The following HUNK variants were observed in gnomAD, a reference collection of about 807,000 sequenced individuals.
HUNK encodes hormonally up-regulated neu tumor-associated kinase.
A neutral mutation model predicts 61.0 loss-of-function variants in HUNK; 21 were observed. The ratio of observed to expected loss-of-function variants is 0.34; its 90% CI spans 0.24 to 0.50. The LOEUF (loss-of-function observed/expected upper bound fraction) is 0.50, where lower values mean the gene tolerates loss of function less well. Ranked by LOEUF, HUNK falls within the 20% of genes least tolerant of loss-of-function variation. The probability of loss-of-function intolerance (pLI) is 0.98; values close to 1 mark genes in which losing one functional copy is unlikely to be tolerated. For missense variants in HUNK, 772 were observed against 945.7 expected, an observed-to-expected ratio of 0.82 and a Z score of 2.41; for synonymous variants, 371 against 386.1, an observed-to-expected ratio of 0.96 and a Z score of 0.46.
At chr21:31,928,764 A>G (rs2052677977) in intron 2 of HUNK, among the ~76,000 whole-genome samples, 1 of 152,088 alleles carries the variant, frequency 6.6e-6, no homozygotes, top group South Asian at 2.1e-4. Context: ...CTATACCACT[A>G]ATTTTGGGTG....
chr21:31,965,027 T>C (rs1295832986), intron 5 of HUNK, among the ~76,000 whole-genome samples: 2 of 152,174 alleles, frequency 1.3e-5, no homozygotes. Context: ...CTCATCTTTT[T>C]TATCTGACCA....
chr21:31,983,674 T>G, intron 8 of HUNK, 65 bp downstream of exon 8: 1 of 1,199,042 alleles, frequency 8.3e-7, no homozygotes, highest in Non-Finnish European at 1.2e-6. Context: ...TTGCAGTAAT[T>G]GGAAAAGAAA....
intron 9 of HUNK, among the ~76,000 whole-genome samples, chr21:31,995,508 C>G (rs2053198374): frequency 6.6e-6 from 1 of 152,324 alleles, no homozygotes; most frequent in East Asian, 1.9e-4. Flanking sequence ...GAATGCCCTG[C>G]CCTTGCTGGA....
At chr21:31,918,791 G>A (rs2052602500) in intron 1 of HUNK, among the ~76,000 whole-genome samples, 1 of 152,198 alleles carries the variant, frequency 6.6e-6, no homozygotes, top group Admixed American at 6.5e-5. Context: ...ACTTCATCAT[G>A]TCTGCAGAGT....
chr21:31,953,652 C>G (rs549914675), intron 4 of HUNK, among the ~76,000 whole-genome samples: 1 of 152,194 alleles, frequency 6.6e-6, no homozygotes, highest in South Asian at 2.1e-4. Flanking sequence ...TAATTTATTC[C>G]AACTACAGAA....
At chr21:31,910,866 AT>A (rs1018934831) in intron 1 of HUNK, among the ~76,000 whole-genome samples, 7 of 152,174 alleles carry the variant, frequency 4.6e-5, no homozygotes, top group African/African-American at 1.7e-4. Flanking sequence ...ATTTTAAATC[AT>A]CCCCACCTTA....
Position 31,924,419 on chromosome 21 carries a change from C to T in HUNK, c.262-49C>T. The T allele has an allele frequency of 6.4e-7, 1 of 1,555,414 alleles. No homozygotes were observed. The highest frequency in any genetic ancestry group is 1.2e-5 in the South Asian group (1 of 82,340). The stretch of plus-strand genomic sequence containing the variant: ...GTTCCTGTGAGTAGCCAAGGCATCG[C>T]TATTGTCTGTAATGTCTGATAACAG... On this transcript the variant is annotated intron_variant, in intron 1 of 10. Coordinates refer to ENST00000270112, the MANE Select transcript of HUNK (RefSeq NM_014586.2). The surrounding 1 kb of genome is among the most constrained non-coding windows in gnomAD (Gnocchi z 5.1).
chr21:31,873,806 G>T lies in HUNK; in HGVS notation c.132G>T (p.Val44=), dbSNP rs1403061218. 3 of 1,567,676 alleles carry T rather than the reference G, an allele frequency of 1.9e-6. No homozygotes were observed. The highest frequency in any genetic ancestry group is 1.2e-5 in the South Asian group (1 of 86,650). Residue 44 remains valine (V), a synonymous_variant, in exon 1 of 11, where the codon GTG becomes GTT. Coordinates refer to ENST00000270112, the MANE Select transcript of HUNK (RefSeq NM_014586.2). This position sits in a 1 kb window ranked among gnomAD's most constrained non-coding sequence, Gnocchi z 6.1. ...GSFLPAWVSG[V]PRERLRDFQH... is the part of the protein sequence containing the mutation. ...TCCTGCCTGCCTGGGTGAGCGGCGT[G>T]CCCCGCGAGCGGCTCCGCGACTTCC...
At chr21:31,989,999 A>T (rs769633045) in intron 8 of HUNK, 130 bp from the exon 9 acceptor site, 1 of 798,670 alleles carries the variant, frequency 1.3e-6, no homozygotes, top group Non-Finnish European at 2.2e-6. Context: ...CAATTTCAGG[A>T]TTTGCTTTCT....
chr21:31,956,338 T>A (rs1056993710), intron 4 of HUNK, among the ~76,000 whole-genome samples: 15 of 152,310 alleles, frequency 9.8e-5, no homozygotes, highest in Admixed American at 9.2e-4. Context: ...GGCTGTTCAG[T>A]GGTCCCCAGC....
At chr21:31,897,880 C>G (rs1430137421) in intron 1 of HUNK, among the ~76,000 whole-genome samples, 1 of 152,110 alleles carries the variant, frequency 6.6e-6, no homozygotes, top group Admixed American at 6.5e-5. Flanking sequence ...TGCCTCTGTT[C>G]CACCATGTTC....
intron 9 of HUNK, among the ~76,000 whole-genome samples, chr21:31,991,523 G>A (rs1398409631): frequency 6.6e-6 from 1 of 152,130 alleles, no homozygotes; most frequent in Non-Finnish European, 1.5e-5. Flanking sequence ...CCGGCCCAAA[G>A]CCCTCTTTTT....
At chr21:31,905,801 T>C (rs1486022965) in intron 1 of HUNK, among the ~76,000 whole-genome samples, 1 of 152,254 alleles carries the variant, frequency 6.6e-6, no homozygotes, top group Non-Finnish European at 1.5e-5. Context: ...GCATGGGGGC[T>C]AGCCCCGATG....
chr21:31,970,566 G>A (rs1357808497), intron 6 of HUNK, among the ~76,000 whole-genome samples: 1 of 152,136 alleles, frequency 6.6e-6, no homozygotes, highest in Admixed American at 6.5e-5. Context: ...AGAGCAGCAC[G>A]CAGGTATGCT....
At chr21:31,932,029 A>G (rs566592262) in intron 2 of HUNK, among the ~76,000 whole-genome samples, 34 of 152,174 alleles carry the variant, frequency 2.2e-4, no homozygotes, top group African/African-American at 7.9e-4. Flanking sequence ...ACATTCATAC[A>G]CCCATGGATG....
intron 1 of HUNK, among the ~76,000 whole-genome samples, chr21:31,875,858 C>T (rs2052258012): frequency 6.6e-6 from 1 of 152,208 alleles, no homozygotes; most frequent in South Asian, 2.1e-4. Flanking sequence ...TCTTTTCTGG[C>T]TTCCCTCCAC....
rs3138690 is a variant in HUNK, at chr21:31,900,446, AACACAC to A, written c.262-23994_262-23989del. Among the ~76,000 whole-genome samples the A allele has an allele frequency of 6.9e-4, 99 of 143,128 alleles. 2 individuals are homozygous for A. Among genetic ancestry groups the A allele is most frequent in the Admixed American group, 6.0e-3 (86 of 14,266 alleles). 93.9% of individuals were successfully genotyped at this position (143,128 alleles called of 152,430 possible). ...GCTAGAACCAGGTCTTAGTTACTGA[AACACAC>A]ACACACACACACACACACACACACA... On this transcript the variant is annotated intron_variant, in intron 1 of 10. Transcript: ENST00000270112.
chr21:31,949,334 A>G (rs2052832705), intron 4 of HUNK, among the ~76,000 whole-genome samples: 1 of 152,130 alleles, frequency 6.6e-6, no homozygotes, highest in African/African-American at 2.4e-5. Flanking sequence ...AGGCCTCTGA[A>G]TCCCCCTCAA....
intron 8 of HUNK, 37 bp downstream of exon 8, chr21:31,983,646 G>C: frequency 7.0e-7 from 1 of 1,436,516 alleles, no homozygotes; most frequent in Non-Finnish European, 9.7e-7. Flanking sequence ...GGGTCTCTTA[G>C]GAAGGGTGGA....
Sources: gnomAD v4.1 joint callset for allele counts (sites outside exome capture counted in the v4.1 genomes callset) on GRCh38, gnomAD v4.1.1 for gene constraint, Gnocchi (gnomAD v3.1) non-coding constraint, MANE v1.5 for transcripts, NCBI Gene and HGNC (gene_info 2026-07-23, HGNC 2026-07-21) for gene names.